Variants in DST observed in about 807,000 individuals in gnomAD.
DST encodes bullous pemphigoid antigen.
DST carries 253 observed loss-of-function variants against 875.2 expected under a neutral mutation model. That is an observed-to-expected ratio of 0.29 (90% CI 0.26 to 0.32). The LOEUF is 0.32. Ranked by LOEUF, DST falls within the 10% of genes least tolerant of loss-of-function variation. DST has a pLI of 1.00. For synonymous variants in DST, 3,124 were observed against 3,197.1 expected (o/e 0.98, Z 0.77); for missense variants, 8,287 against 9,111.6 (o/e 0.91, Z 3.68).
In DST at chr6:56,604,942, G is replaced by A. The variant is rs199907376; in HGVS notation, c.9686C>T (p.Ser3229Phe). The A allele has an allele frequency of 1.7e-5, 28 of 1,612,544 alleles. No homozygotes were observed. Among genetic ancestry groups the A allele is most frequent in the Non-Finnish European group, 1.7e-5 (20 of 1,179,220 alleles). ...AGGTGAGTCTTTTTGGGTACTAGTG[G>A]ACTTCTCTTTTGTATTATTAACTCC... ...QLGVNNTKEKSTSTQKDSPLN... is the reference protein window; with the variant it reads ...QLGVNNTKEKFTSTQKDSPLN... The change falls in exon 40 of 104, where the codon TCC becomes TTC. Residue 3229 changes from serine (S) to phenylalanine (F), a missense_variant. By Grantham distance (155) the Ser-to-Phe change is radical (BLOSUM62 -2). This residue lies in a region of DST where 3,138 missense variants were observed against 3,116.6 expected (regional missense o/e 1.01). Transcript: ENST00000680361.
At chr6:56,493,115 T>C (rs776259295) in intron 83 of DST, 26 bp from the exon 84 acceptor site, 2 of 1,594,822 alleles carry the variant, frequency 1.3e-6, no homozygotes, top group South Asian at 2.3e-5. Context: ...GTTTAGTATG[T>C]GATGTTTAAG....
chr6:56,836,860 A>C (rs1034403201), intron 4 of DST, among the ~76,000 whole-genome samples: 1 of 147,682 alleles, frequency 6.8e-6, no homozygotes, highest in African/African-American at 2.4e-5. Flanking sequence ...CAAAAAAAAA[A>C]AAAGAAAGAA....
intron 34 of DST, among the ~76,000 whole-genome samples, chr6:56,626,592 C>T (rs557249731): frequency 1.8e-4 from 28 of 152,108 alleles, no homozygotes; most frequent in Non-Finnish European, 2.9e-4. Context: ...ACGCATTTCT[C>T]GGAATATATC....
intron 2 of DST, among the ~76,000 whole-genome samples, chr6:56,928,098 G>A (rs1808165939): frequency 6.6e-6 from 1 of 152,178 alleles, no homozygotes; most frequent in Non-Finnish European, 1.5e-5. Context: ...CTCTGAGGTG[G>A]GAGCACTGCC....
chr6:56,536,820 G>C lies in DST; in HGVS notation c.16729C>G (p.Leu5577Val), dbSNP rs760651687. The C allele has an allele frequency of 1.9e-6, 3 of 1,606,618 alleles. No homozygotes were observed. Residue 5577 changes from leucine (L) to valine (V), a missense_variant, in exon 62 of 104, where the codon CTG becomes GTG. Leu to Val is a conservative substitution (Grantham distance 32). Around this residue, in one of 10 missense-constraint regions of DST, gnomAD observed 777 missense variants for 764.8 expected, o/e 1.02. Transcript: ENST00000680361. ...TTCCACCGTGCATTGACATCATCCA[G>C]GTCATGCTCCAAGCCCTGAGTGCTA... is the stretch of plus-strand genomic sequence containing the variant. ...STSTQGLEHD[L>V]DDVNARWKTL...
chr6:56,938,108 C>CTCTCTCTCTCTCTCTCTCTCTATATA (rs1383243392), intron 2 of DST, among the ~76,000 whole-genome samples: 4 of 120,750 alleles, frequency 3.3e-5, no homozygotes, highest in African/African-American at 1.4e-4. Flanking sequence ...CTCTCTCTCT[C>CTCTCTCTCTCTCTCTCTCTCTATATA]TATATATATA....
chr6:56,867,670 A>C (rs146677869), intron 3 of DST, among the ~76,000 whole-genome samples: 148 of 152,188 alleles, frequency 9.7e-4, no homozygotes, highest in African/African-American at 3.5e-3. Context: ...AAATACAAAA[A>C]TCAGTGTATT....
intron 4 of DST, among the ~76,000 whole-genome samples, chr6:56,752,215 T>C (rs1458368822): frequency 1.3e-5 from 2 of 152,080 alleles, no homozygotes; most frequent in African/African-American, 4.8e-5. Context: ...TCATGAGTCA[T>C]CCTGTCTTAG....
chr6:56,688,341 T>C (rs896207922), intron 9 of DST, among the ~76,000 whole-genome samples: 1 of 152,210 alleles, frequency 6.6e-6, no homozygotes, highest in Admixed American at 6.5e-5. Context: ...AATTTTATAG[T>C]CTAAGCTTCA....
intron 4 of DST, among the ~76,000 whole-genome samples, chr6:56,739,917 C>T (rs1169335935): frequency 1.3e-5 from 2 of 152,094 alleles, no homozygotes; most frequent in Non-Finnish European, 2.9e-5. Context: ...ATGGAGTAGC[C>T]ATTCTTTATT....
At chr6:56,632,587 C>T (rs2098790632) in intron 28 of DST, among the ~76,000 whole-genome samples, 1 of 152,130 alleles carries the variant, frequency 6.6e-6, no homozygotes, top group Non-Finnish European at 1.5e-5. Context: ...TGAAGGATTG[C>T]AAAATAGTGA....
At chr6:56,855,714 G>A (rs1334351635) in intron 3 of DST, among the ~76,000 whole-genome samples, 2 of 152,120 alleles carry the variant, frequency 1.3e-5, no homozygotes, top group African/African-American at 2.4e-5. Flanking sequence ...AGGATCAAGG[G>A]TGAACCCATC....
At position 56,615,806 on chromosome 6, in the gene DST, C is replaced by T. The variant is rs1290425280; in HGVS notation, c.4930-1322G>A. The T allele has an allele frequency of 3.7e-6, 6 of 1,613,990 alleles. No individual in the cohort carries two copies. The highest frequency in any genetic ancestry group is 5.1e-6 in the Non-Finnish European group (6 of 1,180,036). Reference sequence around the variant, plus strand: ...TGTCAAGTACTGAAATTCCAAACATCGGATTCCCATTTCCTTATTTATAAT... The same window carrying T: ...TGTCAAGTACTGAAATTCCAAACATTGGATTCCCATTTCCTTATTTATAAT... On this transcript the variant is annotated intron_variant, in intron 36 of 103. Transcript: ENST00000680361.
At chr6:56,741,225 T>TTTG (rs923125546) in intron 4 of DST, among the ~76,000 whole-genome samples, 30 of 152,094 alleles carry the variant, frequency 2.0e-4, no homozygotes, top group Non-Finnish European at 4.0e-4. Flanking sequence ...TCAATGAGGT[T>TTTG]TTGTTGTTGT....
Position 56,492,337 on chromosome 6 carries a change from C to T in DST, c.20647G>A (p.Val6883Ile). The part of the protein sequence containing the change: ...LKYFSQKQDV[V>I]LIKNLLISVQ... The stretch of plus-strand genomic sequence containing the variant: ...CTGATAAGTAGATTCTTGATTAGAA[C>T]AACATCTTGTTTCTGACTAAAATAT... The change falls in exon 85 of 104, where the codon GTT (valine) becomes ATT (isoleucine). Residue 6883 changes from valine to isoleucine, a missense_variant. Coordinates refer to ENST00000680361, the MANE Select transcript of DST (RefSeq NM_001374736.1). The T allele has an allele frequency of 6.2e-7, 1 of 1,613,832 alleles. No homozygotes were observed.
chr6:56,464,723 T>G lies in DST; in HGVS notation c.22721A>C (p.Glu7574Ala). 2.5e-6 allele frequency: 4 copies of G among 1,600,142 alleles called. No individual in the cohort carries two copies. Among genetic ancestry groups the G allele is most frequent in the Non-Finnish European group, 3.4e-6 (4 of 1,173,430 alleles). ...HHHGSKMLRS[E>A]SNSSITTTQP... The stretch of plus-strand genomic sequence containing the variant: ...AGTAGTAGTAATTGAAGAGTTTGAT[T>G]CCGAACGTAACATTTTACTCCCATG... The change falls in exon 100 of 104, where the codon GAA becomes GCA. Residue 7574 changes from glutamate to alanine, a missense_variant. By Grantham distance (107) the Glu-to-Ala change is moderately radical. This residue lies in a region of DST where 64 missense variants were observed against 86.2 expected (regional missense o/e 0.74). Transcript: ENST00000680361.
intron 4 of DST, among the ~76,000 whole-genome samples, chr6:56,839,784 T>C (rs1362085113): frequency 2.0e-5 from 3 of 152,216 alleles, no homozygotes; most frequent in Non-Finnish European, 4.4e-5. Flanking sequence ...TAAGCAGATT[T>C]TATAGCCCTA....
rs779412873 is a variant in DST, at chr6:56,605,718, T to C, written c.8910A>G (p.Pro2970=). The change falls in exon 40 of 104, where the codon CCA becomes CCG. Residue 2970 remains proline (P), a synonymous_variant. Coordinates refer to ENST00000680361, the MANE Select transcript of DST (RefSeq NM_001374736.1). Reference sequence around the variant, plus strand: ...TACCTTTCACAGAATCAGTCAATTCTGGCAATTCTGACCCTTGAATCAACT... The same window carrying C: ...TACCTTTCACAGAATCAGTCAATTCCGGCAATTCTGACCCTTGAATCAACT... ...KVKLIQGSEL[P]ELTDSVKGKD... is the part of the protein sequence containing the mutation. 1.2e-6 allele frequency: 2 copies of C among 1,612,958 alleles called. No homozygotes were observed. The highest frequency in any genetic ancestry group is 2.2e-5 in the South Asian group (2 of 91,066).
intron 4 of DST, among the ~76,000 whole-genome samples, chr6:56,844,736 G>A (rs2099805203): frequency 6.6e-6 from 1 of 152,160 alleles, no homozygotes; most frequent in African/African-American, 2.4e-5. Flanking sequence ...AGCCGGGCGT[G>A]GTGGCGGGTA....
Sources: gnomAD v4.1 joint callset for allele counts (sites outside exome capture counted in the v4.1 genomes callset) on GRCh38, gnomAD v4.1.1 for gene constraint, gnomAD v4.1.1 regional missense constraint, MANE v1.5 for transcripts, NCBI Gene and HGNC (gene_info 2026-07-23, HGNC 2026-07-21) for gene names.